The following KCNH1 variants were observed in gnomAD, a reference collection of about 807,000 sequenced individuals.
KCNH1 encodes the protein voltage-gated delayed rectifier potassium channel KCNH1.
Under a neutral mutation model 69.2 loss-of-function variants are expected in KCNH1, and 27 were observed. The ratio of observed to expected loss-of-function variants is 0.39; its 90% CI spans 0.29 to 0.54. KCNH1 has a LOEUF of 0.54. Among genes scored for constraint, KCNH1 ranks in the 20% least tolerant of loss-of-function variants. KCNH1 has a pLI of 0.68. For synonymous variants in KCNH1, 456 were observed against 487.7 expected, an observed-to-expected ratio of 0.93 and a Z score of 0.86; for missense variants, 798 against 1,261.6, an observed-to-expected ratio of 0.63 and a Z score of 5.57.
At chr1:210,810,612 T>C (rs886174135) in intron 7 of KCNH1, among the ~76,000 whole-genome samples, 1 of 152,226 alleles carries the variant, frequency 6.6e-6, no homozygotes, top group African/African-American at 2.4e-5. Flanking sequence ...TGCTCTTTTA[T>C]TGAATTTTCA....
At chr1:210,892,916 T>A (rs1322762519) in intron 7 of KCNH1, among the ~76,000 whole-genome samples, 4 of 152,120 alleles carry the variant, frequency 2.6e-5, no homozygotes, top group Non-Finnish European at 5.9e-5. Context: ...CCTAGAAGAG[T>A]TATACAAGTA....
rs148685526 is a variant in KCNH1 at position 210,793,529 on chromosome 1, G to C, written c.1915+3979C>G. ...TCTTTAAAATACTTTCCTTAGAAGG[G>C]CTTTATTTTTAACACAAACTAAACA... On this transcript the variant is annotated intron_variant, in intron 9 of 10. Coordinates refer to ENST00000271751, the MANE Select transcript of KCNH1 (RefSeq NM_172362.3). 9.8e-5 allele frequency among the ~76,000 whole-genome samples: 15 copies of C among 152,300 alleles called. 2 individuals carry two copies. In the East Asian group the frequency reaches 2.9e-3, roughly 29 times the overall value.
rs544590242 is a variant in KCNH1 at position 210,702,883 on chromosome 1, GTCTTTCAAAATTACT to G, written c.2113-18760_2113-18746del. On this transcript the variant is annotated intron_variant, in intron 10 of 10. Transcript: ENST00000271751. Reference sequence around the variant, plus strand: ...GTTACCTTTCCTCCGTCTGCCTTCCGTCTTTCAAAATTACTTATCTGCTACTTTCTCTTCTCCCAA... The same window carrying G: ...GTTACCTTTCCTCCGTCTGCCTTCCGTATCTGCTACTTTCTCTTCTCCCAA... 3.3e-3 allele frequency among the ~76,000 whole-genome samples: 494 copies of G among 149,574 alleles called. 2 individuals carry two copies. The highest frequency in any genetic ancestry group is 0.012 in the African/African-American group (467 of 39,058).
intron 5 of KCNH1, among the ~76,000 whole-genome samples, chr1:211,022,826 T>C (rs778612957): frequency 2.0e-5 from 3 of 152,070 alleles, no homozygotes; most frequent in Non-Finnish European, 2.9e-5. Context: ...AAAAAAGTGC[T>C]GATGGCCAGG....
At chr1:211,038,556 T>C (rs1322888686) in intron 5 of KCNH1, among the ~76,000 whole-genome samples, 1 of 152,184 alleles carries the variant, frequency 6.6e-6, no homozygotes, top group Non-Finnish European at 1.5e-5. Context: ...TGGAACTTCC[T>C]AGAGACTTGA....
chr1:210,726,809 GC>G (rs200725019), intron 10 of KCNH1, among the ~76,000 whole-genome samples: 1,752 of 147,688 alleles, frequency 0.012, 38 homozygotes, highest in African/African-American at 0.042. Flanking sequence ...CAGTTCCCCG[GC>G]GGGGGTGGGG....
At chr1:210,732,876 C>G (rs1251388897) in intron 10 of KCNH1, among the ~76,000 whole-genome samples, 1 of 152,170 alleles carries the variant, frequency 6.6e-6, no homozygotes, top group Non-Finnish European at 1.5e-5. Context: ...AATACCATCA[C>G]CTTGGTGGTT....
intron 10 of KCNH1, among the ~76,000 whole-genome samples, chr1:210,713,400 T>C (rs1682126741): frequency 6.6e-6 from 1 of 152,182 alleles, no homozygotes; most frequent in African/African-American, 2.4e-5. Context: ...GAAGATGCAG[T>C]TCTGCTCTGA....
chr1:210,935,938 T>C (rs888754894), intron 6 of KCNH1, among the ~76,000 whole-genome samples: 4 of 152,264 alleles, frequency 2.6e-5, no homozygotes, highest in African/African-American at 9.6e-5. Flanking sequence ...AGCCATTCAC[T>C]TGGCCTAAAT....
intron 7 of KCNH1, among the ~76,000 whole-genome samples, chr1:210,810,351 G>A (rs771751857): frequency 3.3e-5 from 5 of 152,046 alleles, no homozygotes; most frequent in Non-Finnish European, 7.4e-5. Context: ...CTGAAAATTC[G>A]TAATAATGCA....
At chr1:210,899,705 A>G (rs1686954561) in intron 7 of KCNH1, among the ~76,000 whole-genome samples, 1 of 152,218 alleles carries the variant, frequency 6.6e-6, no homozygotes, top group Non-Finnish European at 1.5e-5. Context: ...TAGGTGGTTT[A>G]TATTTGTGAC....
chr1:210,933,119 T>C (rs2102578126), intron 6 of KCNH1, among the ~76,000 whole-genome samples: 1 of 152,236 alleles, frequency 6.6e-6, no homozygotes, highest in East Asian at 1.9e-4. Flanking sequence ...AATCCAAATG[T>C]CCAACAATGA....
intron 10 of KCNH1, among the ~76,000 whole-genome samples, chr1:210,730,363 T>G (rs112680358): frequency 0.015 from 2,242 of 152,194 alleles, 52 homozygotes; most frequent in African/African-American, 0.051. Context: ...AAAACATGGC[T>G]TATCTATGTC....
Position 210,804,074 on chromosome 1 carries a change from C to T in KCNH1, c.1555G>A (p.Val519Ile). 4 of 1,614,182 alleles carry T rather than the reference C, an allele frequency of 2.5e-6. No individual in the cohort carries two copies. The highest frequency in any genetic ancestry group is 3.4e-6 in the Non-Finnish European group (4 of 1,180,016). ...TNRYHEMLNS[V>I]RDFLKLYQVP... ...TGGTAGAGCTTCAGGAAGTCCCGAA[C>T]ACTGTTGAGCATCTCATGGTATCTG... is the stretch of plus-strand genomic sequence containing the variant. The change falls in exon 8 of 11, where the codon GTT becomes ATT. Residue 519 changes from valine to isoleucine, a missense_variant. Around this residue, in one of 4 missense-constraint regions of KCNH1, gnomAD observed 197 missense variants for 407.7 expected, o/e 0.48. Transcript: ENST00000271751.
At chr1:210,976,426 T>C (rs1402708609) in intron 6 of KCNH1, among the ~76,000 whole-genome samples, 3 of 148,824 alleles carry the variant, frequency 2.0e-5, no homozygotes, top group African/African-American at 7.3e-5. Flanking sequence ...CCAGTTGGAA[T>C]GGCGATTATT....
intron 1 of KCNH1, among the ~76,000 whole-genome samples, chr1:211,128,970 A>C (rs1159311113): frequency 6.6e-6 from 1 of 152,196 alleles, no homozygotes; most frequent in African/African-American, 2.4e-5. Context: ...AATATTCCTC[A>C]CGAGAAAGTG....
intron 10 of KCNH1, among the ~76,000 whole-genome samples, chr1:210,730,526 C>A (rs1682719110): frequency 6.6e-6 from 1 of 151,664 alleles, no homozygotes; most frequent in Non-Finnish European, 1.5e-5. Flanking sequence ...TGACCCCCTA[C>A]AATTTTGAGT....
At chr1:211,095,397 G>A (rs1691130752) in intron 3 of KCNH1, among the ~76,000 whole-genome samples, 1 of 152,168 alleles carries the variant, frequency 6.6e-6, no homozygotes, top group Non-Finnish European at 1.5e-5. Flanking sequence ...CCAGGATGAG[G>A]ATGTCCAATG....
intron 7 of KCNH1, among the ~76,000 whole-genome samples, chr1:210,917,225 GAGAGAGAAAGAAAGAAAGAAAGAA>G (rs1233189615): frequency 1.2e-5 from 1 of 80,596 alleles, no homozygotes; most frequent in Non-Finnish European, 2.5e-5. Flanking sequence ...GAGAGAGAGA[GAGAGAGAAAGAAAGAAAGAAAGAA>G]AGAAAGAAAG....
Sources: gnomAD v4.1 joint callset for allele counts (sites outside exome capture counted in the v4.1 genomes callset) on GRCh38, gnomAD v4.1.1 for gene constraint, gnomAD v4.1.1 regional missense constraint, MANE v1.5 for transcripts, NCBI Gene and HGNC (gene_info 2026-07-23, HGNC 2026-07-21) for gene names.